DNAH3: variants seen among roughly 807,000 people sequenced by gnomAD.
DNAH3 encodes axonemal beta dynein heavy chain 3.
DNAH3 carries 332 observed loss-of-function variants against 432.5 expected under a neutral mutation model. That is an observed-to-expected ratio of 0.77 (90% CI 0.70 to 0.84). The LOEUF is 0.84. DNAH3 is among the 40% of genes least tolerant of loss of function. The pLI, the probability that DNAH3 is intolerant of heterozygous loss-of-function variation, is 0.00. For synonymous variants in DNAH3, 1,956 were observed against 1,900.2 expected, an observed-to-expected ratio of 1.03 and a Z score of -0.76; for missense variants, 4,861 against 5,114.0, an observed-to-expected ratio of 0.95 and a Z score of 1.51.
chr16:21,124,734 C>T (rs1285442085), intron 9 of DNAH3, among the ~76,000 whole-genome samples: 2 of 152,030 alleles, frequency 1.3e-5, no homozygotes, highest in Admixed American at 1.3e-4. Flanking sequence ...ACTGCAACTT[C>T]CGCCGCCTGG....
intron 15 of DNAH3, among the ~76,000 whole-genome samples, chr16:21,105,309 GT>G (rs1475564390): frequency 6.6e-6 from 1 of 152,200 alleles, no homozygotes; most frequent in Non-Finnish European, 1.5e-5. Context: ...AAAATGGCTT[GT>G]TGAGAGGTTA....
chr16:20,987,192 T>G, intron 47 of DNAH3, 113 bp downstream of exon 47: 1 of 1,299,178 alleles, frequency 7.7e-7, no homozygotes, highest in East Asian at 2.3e-5. Context: ...TTCCCGAGAT[T>G]CAGAGTGCAG....
At chr16:21,079,826 G>A (rs2091116758) in intron 20 of DNAH3, among the ~76,000 whole-genome samples, 1 of 152,128 alleles carries the variant, frequency 6.6e-6, no homozygotes, top group South Asian at 2.1e-4. Context: ...AGGCCTGCTC[G>A]TTAATGAGGA....
intron 60 of DNAH3, 69 bp downstream of exon 60, chr16:20,936,580 C>G: frequency 7.1e-7 from 1 of 1,412,182 alleles, no homozygotes; most frequent in East Asian, 2.5e-5. Flanking sequence ...CTCTAGTCTG[C>G]CATTTCAGAA....
At chr16:20,961,068 TA>T (rs775760442) in intron 53 of DNAH3, among the ~76,000 whole-genome samples, 4 of 150,816 alleles carry the variant, frequency 2.7e-5, no homozygotes, top group Admixed American at 1.3e-4. Context: ...GAACTCACAC[TA>T]AAAAAAAACC....
At chr16:21,033,191 CAAAACATAACCTCA>C (rs1425484605) in intron 36 of DNAH3, among the ~76,000 whole-genome samples, 4 of 151,644 alleles carry the variant, frequency 2.6e-5, no homozygotes, top group African/African-American at 9.7e-5. Context: ...GGATAACCCC[CAAAACATAACCTCA>C]AAAACCCAAT....
At chr16:20,943,514 G>A (rs989734003) in intron 58 of DNAH3, among the ~76,000 whole-genome samples, 1 of 152,120 alleles carries the variant, frequency 6.6e-6, no homozygotes, top group African/African-American at 2.4e-5. Context: ...GCGATTCACT[G>A]CACCTGGCCT....
chr16:21,125,025 TA>T, intron 9 of DNAH3, 149 bp downstream of exon 10: 1 of 550,200 alleles, frequency 1.8e-6, no homozygotes. Context: ...GACATTTTTA[TA>T]AACTAACAAC....
exon 28 of DNAH3, chr16:21,054,451 A>G (rs1331322840): frequency 6.2e-7 from 1 of 1,614,176 alleles, no homozygotes; most frequent in African/African-American, 1.3e-5. Context: ...GGGCCCCGAG[A>G]GTGAGTCGAG....
intron 23 of DNAH3, 107 bp downstream of exon 23, chr16:21,069,308 T>C (rs1019721741): frequency 1.7e-5 from 17 of 1,007,214 alleles, no homozygotes; most frequent in Non-Finnish European, 2.6e-5. Flanking sequence ...AGATTGATTT[T>C]CCAAAACTCT....
At chr16:20,934,710 C>A (rs779144334) in intron 61 of DNAH3, among the ~76,000 whole-genome samples, 1 of 152,126 alleles carries the variant, frequency 6.6e-6, no homozygotes, top group Non-Finnish European at 1.5e-5. Flanking sequence ...GGTATACAAT[C>A]ATTTCAACAT....
chr16:20,988,469 C>T (rs559284027), intron 44 of DNAH3, among the ~76,000 whole-genome samples: 129 of 152,254 alleles, frequency 8.5e-4, no homozygotes, highest in African/African-American at 3.0e-3. Context: ...GGCTGGAGTG[C>T]AGTGGTGCCA....
intron 43 of DNAH3, among the ~76,000 whole-genome samples, chr16:20,997,687 A>G (rs1472875327): frequency 6.6e-6 from 1 of 151,932 alleles, no homozygotes; most frequent in Admixed American, 6.6e-5. Flanking sequence ...GACTATAAGG[A>G]TGCATAGACT....
At chr16:20,983,268 G>T (rs1034780927) in intron 48 of DNAH3, among the ~76,000 whole-genome samples, 1 of 152,094 alleles carries the variant, frequency 6.6e-6, no homozygotes. Context: ...TGGGACTATA[G>T]GCACCCACCA....
Position 20,994,256 on chromosome 16 carries a change from C to T in DNAH3, c.6601+3027G>A, listed in dbSNP as rs190825840. Among the ~76,000 whole-genome samples, 191 of 152,050 alleles carry T rather than the reference C, an allele frequency of 1.3e-3. 3 individuals are homozygous for T. The East Asian group carries it at 0.026, about 21-fold the overall frequency. ...ACCAGCCTGGCTAACAGGATGAAAC[C>T]CCGTCTCTACTAAAAATACAAAAAA... On this transcript the variant is annotated intron_variant, in intron 44 of 61. Coordinates refer to ENST00000261383, the Ensembl canonical transcript of DNAH3.
chr16:21,139,828 G>A (rs1270351470), intron 5 of DNAH3, among the ~76,000 whole-genome samples: 3 of 122,588 alleles, frequency 2.4e-5, no homozygotes, highest in East Asian at 2.7e-4. Context: ...TGCCCATGCC[G>A]AAGTGCAGTG....
At chr16:20,982,121 C>T (rs554861110) in intron 49 of DNAH3, among the ~76,000 whole-genome samples, 53 of 151,856 alleles carry the variant, frequency 3.5e-4, no homozygotes, top group African/African-American at 1.2e-3. Context: ...CAGTAGCTCA[C>T]ACCTGTATTC....
At chr16:21,050,058 A>C (rs1421250997) in intron 29 of DNAH3, 40 bp from the exon 30 acceptor site, 1 of 1,411,904 alleles carries the variant, frequency 7.1e-7, no homozygotes, top group East Asian at 2.3e-5. Context: ...TTGAGGTCTA[A>C]GACACAGGAA....
intron 1 of DNAH3, among the ~76,000 whole-genome samples, chr16:21,148,228 A>C (rs535703000): frequency 6.6e-6 from 1 of 152,230 alleles, no homozygotes; most frequent in Admixed American, 6.5e-5. Flanking sequence ...TACCTCATTA[A>C]ATAACAACAG....
Sources: gnomAD v4.1 joint callset for allele counts (sites outside exome capture counted in the v4.1 genomes callset) on GRCh38, gnomAD v4.1.1 for gene constraint, MANE v1.5 for transcripts, NCBI Gene and HGNC (gene_info 2026-07-23, HGNC 2026-07-21) for gene names.